FRYL: variants seen among roughly 807,000 people sequenced by gnomAD.
FRYL encodes the protein FRY like transcription coactivator.
A neutral mutation model predicts 351.2 loss-of-function variants in FRYL; 150 were observed. The ratio of observed to expected loss-of-function variants is 0.43; its 90% CI spans 0.37 to 0.49. The LOEUF (loss-of-function observed/expected upper bound fraction) is 0.49, where lower values mean the gene tolerates loss of function less well. FRYL is among the 20% of genes least tolerant of loss of function. The pLI is 0.00. For missense variants in FRYL, 3,036 were observed against 3,619.3 expected (o/e 0.84, Z 4.13); for synonymous variants, 1,153 against 1,257.1 (o/e 0.92, Z 1.75).
chr4:48,742,898 C>G (rs1772256420), intron 1 of FRYL, among the ~76,000 whole-genome samples: 1 of 150,662 alleles, frequency 6.6e-6, no homozygotes, highest in Admixed American at 6.7e-5. Flanking sequence ...CCTCCACTTC[C>G]TGGGGTCAAG....
In FRYL at chr4:48,576,114, AGATGAC is replaced by A. The variant is rs1195361961; in HGVS notation, c.2631_2636del (p.Ser879_Ser880del). 3 of 1,614,066 alleles carry A rather than the reference AGATGAC, an allele frequency of 1.9e-6. No homozygotes were observed. The South Asian group carries it at 3.3e-5, about 18-fold the overall frequency. On this transcript the variant is annotated inframe_deletion, in exon 24 of 64. Transcript: ENST00000358350. ...ATCTCACAGAACCTGCAGATGTGGA[AGATGAC>A]GATGTTGCTGCACTGCAGCAAAGGA...
intron 9 of FRYL, among the ~76,000 whole-genome samples, chr4:48,608,423 TA>T (rs1425876525): frequency 6.6e-6 from 1 of 152,208 alleles, no homozygotes; most frequent in African/African-American, 2.4e-5. Context: ...ATTGTTACAG[TA>T]ACCACAAGTT....
intron 1 of FRYL, among the ~76,000 whole-genome samples, chr4:48,718,889 T>G (rs1769164368): frequency 6.6e-6 from 1 of 151,292 alleles, no homozygotes; most frequent in African/African-American, 2.4e-5. Context: ...CTCCATAGAC[T>G]CCTCCCTTCC....
intron 12 of FRYL, 117 bp downstream of exon 12, chr4:48,603,173 A>C (rs1746048456): frequency 1.3e-6 from 1 of 753,674 alleles, no homozygotes. Context: ...CTTGTATTGC[A>C]CTTCAGGGAT....
rs183004055 is a variant in FRYL, at chr4:48,717,940, A to G, written c.-383-7242T>C. On this transcript the variant is annotated intron_variant, in intron 1 of 63. Transcript: ENST00000358350. Reference sequence around the variant, plus strand: ...AACTACAGTCTATAACTTCCTAACTACTAACCAATATCTGACATATTATTC... The same window carrying G: ...AACTACAGTCTATAACTTCCTAACTGCTAACCAATATCTGACATATTATTC... Among the ~76,000 whole-genome samples, 230 of 151,720 alleles carry G rather than the reference A, an allele frequency of 1.5e-3. 6 individuals carry two copies. Among genetic ancestry groups the G allele is most frequent in the Non-Finnish European group, 2.4e-3 (161 of 67,872 alleles).
chr4:48,683,869 C>A (rs1764911582), intron 3 of FRYL, among the ~76,000 whole-genome samples: 1 of 152,226 alleles, frequency 6.6e-6, no homozygotes, highest in Admixed American at 6.5e-5. Context: ...CTCCCCCTCT[C>A]TCCCTCCTTC....
At chr4:48,548,144 C>T (rs1003279169) in intron 40 of FRYL, among the ~76,000 whole-genome samples, 2 of 151,842 alleles carry the variant, frequency 1.3e-5, no homozygotes, top group African/African-American at 4.8e-5. Flanking sequence ...AATACACCAA[C>T]ATTAAGTGTG....
At position 48,563,991 on chromosome 4, in the gene FRYL, C is replaced by T. The variant is rs771927920; in HGVS notation, c.3553G>A (p.Ala1185Thr). ...DRCYTGSGRV[A>T]AGCFKAIANV... ...GCAATGGCTTTAAAGCAGCCGGCCGCCACCCTCCCGGAGCCCGTGTAGCAG... is the reference window on the plus strand; with the variant it reads ...GCAATGGCTTTAAAGCAGCCGGCCGTCACCCTCCCGGAGCCCGTGTAGCAG... Residue 1185 changes from alanine (A) to threonine (T), a missense_variant, in exon 31 of 64, where the codon GCG (alanine) becomes ACG (threonine). Coordinates refer to ENST00000358350, the MANE Select transcript of FRYL (RefSeq NM_015030.2). 1 of 1,613,996 alleles carries T rather than the reference C, an allele frequency of 6.2e-7. No homozygotes were observed. The highest frequency in any genetic ancestry group is 1.3e-5 in the African/African-American group (1 of 74,922).
At chr4:48,657,198 T>G (rs1324479437) in intron 3 of FRYL, among the ~76,000 whole-genome samples, 1 of 152,078 alleles carries the variant, frequency 6.6e-6, no homozygotes, top group Non-Finnish European at 1.5e-5. Flanking sequence ...TGAAATGGGG[T>G]CGCATTCTGT....
At chr4:48,590,546 A>G in intron 17 of FRYL, 113 bp downstream of exon 17, 1 of 731,994 alleles carries the variant, frequency 1.4e-6, no homozygotes, top group Non-Finnish European at 2.2e-6. Flanking sequence ...ATGGCTGTAT[A>G]TACTAGAAAA....
intron 31 of FRYL, 97 bp downstream of exon 31, chr4:48,563,851 C>A (rs1304233734): frequency 3.1e-5 from 41 of 1,323,710 alleles, no homozygotes; most frequent in Non-Finnish European, 4.2e-5. Context: ...TACTGAAGGA[C>A]AACTAAACTG....
At chr4:48,579,290 A>T (rs1242290171) in intron 22 of FRYL, 49 bp from the exon 23 acceptor site, 3 of 1,455,436 alleles carry the variant, frequency 2.1e-6, no homozygotes, top group East Asian at 2.3e-5. Flanking sequence ...ATAACTTTGA[A>T]ATTTTACCAT....
chr4:48,707,394 T>C lies in FRYL; in HGVS notation c.-204+3125A>G, dbSNP rs139239812. 1.9e-3 allele frequency among the ~76,000 whole-genome samples: 282 copies of C among 152,312 alleles called. 1 individual carries two copies. The highest frequency in any genetic ancestry group is 3.6e-3 in the Admixed American group (55 of 15,302). ...AAATACTTATAAATAAGATACATGA[T>C]GTCTAGAATTTGCTTTAAAATAACA... On this transcript the variant is annotated intron_variant, in intron 2 of 63. Coordinates refer to ENST00000358350, the MANE Select transcript of FRYL (RefSeq NM_015030.2).
chr4:48,546,056 G>T lies in FRYL; in HGVS notation c.5279+11C>A. On this transcript the variant is annotated intron_variant, in intron 42 of 63. Transcript: ENST00000358350. ...ATACACTGCTGGGATGATAAGAGCT[G>T]CCAGTGTTACCTTGAGGTAATGAAT... 1.2e-6 allele frequency: 2 copies of T among 1,608,284 alleles called. No homozygotes were observed. The highest frequency in any genetic ancestry group is 1.7e-6 in the Non-Finnish European group (2 of 1,176,194).
chr4:48,540,364 G>T lies in FRYL; in HGVS notation c.6284C>A (p.Ser2095Tyr). ...SVSKHTLVDP[S>Y]QLSGFPLNIL... Reference sequence around the variant, plus strand: ...TATATTAACATCACCTGACAATTGGGAAGGATCCACCAATGTATGTTTGGA... The same window carrying T: ...TATATTAACATCACCTGACAATTGGTAAGGATCCACCAATGTATGTTTGGA... The change falls in exon 46 of 64, where the codon TCC becomes TAC. Residue 2095 changes from serine (S) to tyrosine (Y), a missense_variant. By Grantham distance (144) the Ser-to-Tyr change is moderately radical. This residue lies in a region of FRYL where 1,987 missense variants were observed against 2,311.7 expected (regional missense o/e 0.86). Coordinates refer to ENST00000358350, the MANE Select transcript of FRYL (RefSeq NM_015030.2). 1 of 1,612,156 alleles carries T rather than the reference G, an allele frequency of 6.2e-7. No homozygotes were observed. The highest frequency in any genetic ancestry group is 8.5e-7 in the Non-Finnish European group (1 of 1,178,558).
At position 48,500,151 on chromosome 4, in the gene FRYL, T is replaced by C. The variant is rs142593800; in HGVS notation, c.8662A>G (p.Asn2888Asp). 1.2e-5 allele frequency: 19 copies of C among 1,606,078 alleles called. No individual in the cohort carries two copies. The East Asian group carries it at 2.9e-4, about 25-fold the overall frequency. ...ILKEAESASE[N>D]EEIDISKAAQ... Reference sequence around the variant, plus strand: ...GCTTTGGAAATGTCAATTTCTTCGTTTTCGGAAGCGGACTCAGCTTCTTTG... The same window carrying C: ...GCTTTGGAAATGTCAATTTCTTCGTCTTCGGAAGCGGACTCAGCTTCTTTG... The change falls in exon 63 of 64, where the codon AAC becomes GAC. Residue 2888 changes from asparagine to aspartate, a missense_variant. Asn to Asp is a conservative substitution (Grantham distance 23, BLOSUM62 1). Coordinates refer to ENST00000358350, the MANE Select transcript of FRYL (RefSeq NM_015030.2).
intron 49 of FRYL, among the ~76,000 whole-genome samples, chr4:48,533,825 C>T (rs1395151200): frequency 6.6e-6 from 1 of 152,066 alleles, no homozygotes; most frequent in Admixed American, 6.6e-5. Context: ...ATCAGACACA[C>T]AAAAAAATCT....
chr4:48,616,972 G>A (rs1749597387), intron 7 of FRYL, among the ~76,000 whole-genome samples: 1 of 152,138 alleles, frequency 6.6e-6, no homozygotes, highest in African/African-American at 2.4e-5. Context: ...AAGCTCTATT[G>A]ATTTTTACAT....
chr4:48,583,765 C>T (rs1258121046), intron 19 of FRYL, among the ~76,000 whole-genome samples: 16 of 151,778 alleles, frequency 1.1e-4, no homozygotes, highest in African/African-American at 2.9e-4. Context: ...ATTAACCAGG[C>T]GTGGTGGTGC....
Sources: allele counts gnomAD v4.1 joint callset (sites outside exome capture counted in the v4.1 genomes callset), GRCh38; gene constraint gnomAD v4.1.1; regional missense constraint gnomAD v4.1.1; transcripts MANE v1.5; gene names NCBI Gene and HGNC (gene_info 2026-07-23, HGNC 2026-07-21).